The following NTNG1 variants were observed in gnomAD, a reference collection of about 807,000 sequenced individuals.
The protein encoded by NTNG1 is netrin G1.
In NTNG1, 16 loss-of-function variants were observed where a neutral mutation model predicts 54.0. The ratio of observed to expected loss-of-function variants is 0.30; its 90% confidence interval spans 0.20 to 0.45. NTNG1 has a LOEUF of 0.45. Among genes scored for constraint, NTNG1 ranks in the 20% least tolerant of loss-of-function variants. The pLI is 1.00. For synonymous variants in NTNG1, 255 were observed against 263.1 expected (o/e 0.97, Z 0.30); for missense variants, 530 against 678.7 (o/e 0.78, Z 2.43).
intron 3 of NTNG1, among the ~76,000 whole-genome samples, chr1:107,348,366 T>C (rs2101949688): frequency 6.6e-6 from 1 of 152,316 alleles, no homozygotes; most frequent in South Asian, 2.1e-4. Context: ...CTTCAAGTGA[T>C]ATGCTCACCT....
intron 5 of NTNG1, among the ~76,000 whole-genome samples, chr1:107,415,759 A>T (rs901020066): frequency 9.9e-5 from 15 of 152,134 alleles, no homozygotes; most frequent in African/African-American, 3.4e-4. Context: ...ATTGCTGAGA[A>T]TTTTTCTCAC....
intron 7 of NTNG1, 32 bp from the exon 8 acceptor site, chr1:107,480,579 C>CCCCCCCCCCCA: frequency 4.9e-6 from 3 of 615,714 alleles, no homozygotes; most frequent in African/African-American, 1.8e-5. Flanking sequence ...TCCCCGCGCC[C>CCCCCCCCCCCA]ACCCACCCCT....
intron 7 of NTNG1, among the ~76,000 whole-genome samples, chr1:107,445,585 C>G (rs1676259510): frequency 6.6e-6 from 1 of 152,082 alleles, no homozygotes; most frequent in African/African-American, 2.4e-5. Context: ...TGTTAAGTAG[C>G]ACACCAGTTA....
intron 3 of NTNG1, among the ~76,000 whole-genome samples, chr1:107,360,522 C>T (rs1050457367): frequency 4.6e-5 from 7 of 152,018 alleles, no homozygotes; most frequent in African/African-American, 1.7e-4. Flanking sequence ...GTCCTATAGG[C>T]AACAGGAAGC....
At chr1:107,312,804 T>C (rs1314925058) in intron 2 of NTNG1, among the ~76,000 whole-genome samples, 1 of 152,190 alleles carries the variant, frequency 6.6e-6, no homozygotes, top group Non-Finnish European at 1.5e-5. Context: ...AGAAAGATGA[T>C]AACAAATTCA....
intron 2 of NTNG1, among the ~76,000 whole-genome samples, chr1:107,317,518 A>G (rs988620206): frequency 6.6e-6 from 1 of 152,166 alleles, no homozygotes; most frequent in Non-Finnish European, 1.5e-5. Flanking sequence ...GTAATAATTG[A>G]CATTGCTATA....
chr1:107,150,064 TG>T (rs1296844446), intron 2 of NTNG1, among the ~76,000 whole-genome samples: 1 of 152,140 alleles, frequency 6.6e-6, no homozygotes, highest in Non-Finnish European at 1.5e-5. Context: ...GCTAAGGGCT[TG>T]CCATTTTTCA....
chr1:107,287,549 G>A (rs761156175), intron 2 of NTNG1, among the ~76,000 whole-genome samples: 2 of 152,126 alleles, frequency 1.3e-5, no homozygotes, highest in Non-Finnish European at 1.5e-5. Context: ...GGAGTTTGAG[G>A]CCAGCCTGGG....
chr1:107,480,767 C>T lies in NTNG1; in HGVS notation c.1547C>T (p.Ala516Val). ...TGCGGCTCCGACTCTGGCCAGGGCG[C>T]GCCCCCGCACGGCTCCCCAGCGCTG... ...GSCGSDSGQGAPPHGSPALLL... is the reference protein window; with the variant it reads ...GSCGSDSGQGVPPHGSPALLL... The change falls in exon 8 of 8, where the codon GCG becomes GTG. Residue 516 changes from alanine (A) to valine (V), a missense_variant. Ala to Val is a moderately conservative substitution (Grantham distance 64, BLOSUM62 0). Transcript: ENST00000370068. The T allele has an allele frequency of 6.2e-7, 1 of 1,602,686 alleles. No homozygotes were observed. The highest frequency in any genetic ancestry group is 8.5e-7 in the Non-Finnish European group (1 of 1,176,160).
At chr1:107,194,793 T>C (rs191163196) in intron 2 of NTNG1, among the ~76,000 whole-genome samples, 2 of 152,162 alleles carry the variant, frequency 1.3e-5, no homozygotes, top group East Asian at 3.9e-4. Flanking sequence ...TGGTTAATTA[T>C]AGATATGGCA....
At chr1:107,255,696 G>A (rs1662890827) in intron 2 of NTNG1, among the ~76,000 whole-genome samples, 3 of 152,176 alleles carry the variant, frequency 2.0e-5, no homozygotes, top group Admixed American at 1.3e-4. Flanking sequence ...CTGACAGACA[G>A]TGGGGCTGAG....
intron 2 of NTNG1, among the ~76,000 whole-genome samples, chr1:107,283,532 A>G (rs910034865): frequency 1.3e-5 from 2 of 152,200 alleles, no homozygotes; most frequent in East Asian, 3.8e-4. Context: ...TACATATAGA[A>G]ACATTATTCT....
In NTNG1 at chr1:107,340,432, G is replaced by A. The variant is rs548068885; in HGVS notation, c.887+15510G>A. Among the ~76,000 whole-genome samples, 244 of 152,114 alleles carry A rather than the reference G, an allele frequency of 1.6e-3. 2 individuals carry two copies. Among genetic ancestry groups the A allele is most frequent in the Middle Eastern group, 3.4e-3 (1 of 294 alleles). On this transcript the variant is annotated intron_variant, in intron 3 of 7. Coordinates refer to ENST00000370068, the MANE Select transcript of NTNG1 (RefSeq NM_001113226.3). ...TTCATTAAATATAAATGTTATTTAT[G>A]GAAAACAGGAGCCCTGCAGAAGCAA... is the stretch of plus-strand genomic sequence containing the variant.
intron 3 of NTNG1, among the ~76,000 whole-genome samples, chr1:107,355,179 T>C (rs1669862741): frequency 6.6e-6 from 1 of 152,080 alleles, no homozygotes. Flanking sequence ...TAATTTTCTC[T>C]TTATTTCTTA....
intron 2 of NTNG1, among the ~76,000 whole-genome samples, chr1:107,273,333 T>C (rs1269302467): frequency 3.9e-5 from 6 of 152,232 alleles, no homozygotes; most frequent in Admixed American, 3.9e-4. Context: ...AAGAATGTAT[T>C]GGCTTGTGAA....
intron 3 of NTNG1, among the ~76,000 whole-genome samples, chr1:107,391,635 G>A (rs1672369474): frequency 6.6e-6 from 1 of 152,118 alleles, no homozygotes; most frequent in Non-Finnish European, 1.5e-5. Context: ...AGGGCCTCAG[G>A]AAGCTTCCAC....
intron 3 of NTNG1, among the ~76,000 whole-genome samples, chr1:107,371,585 A>T (rs999464649): frequency 5.9e-5 from 9 of 152,088 alleles, no homozygotes; most frequent in African/African-American, 2.2e-4. Flanking sequence ...CCTCATATTT[A>T]TTAAATAAAT....
chr1:107,224,206 G>T (rs1660533119), intron 2 of NTNG1, among the ~76,000 whole-genome samples: 1 of 152,078 alleles, frequency 6.6e-6, no homozygotes, highest in African/African-American at 2.4e-5. Context: ...TATCATGCAA[G>T]GAAAAGCACA....
chr1:107,336,370 C>G (rs552134773), intron 3 of NTNG1, among the ~76,000 whole-genome samples: 1 of 151,660 alleles, frequency 6.6e-6, no homozygotes, highest in South Asian at 2.1e-4. Context: ...AAAAGACAGT[C>G]TTTTCAACAA....
Sources: gnomAD v4.1 joint callset for allele counts (sites outside exome capture counted in the v4.1 genomes callset) on GRCh38, gnomAD v4.1.1 for gene constraint, MANE v1.5 for transcripts, NCBI Gene and HGNC (gene_info 2026-07-23, HGNC 2026-07-21) for gene names.